Variants in ANXA11 observed in about 807,000 individuals in gnomAD.
ANXA11 encodes 56 kDa autoantigen.
A neutral mutation model predicts 64.7 loss-of-function variants in ANXA11; 57 were observed. That is an observed-to-expected ratio of 0.88 (90% CI 0.71 to 1.10). The LOEUF is 1.10. Among genes scored for constraint, ANXA11 ranks in the 50% least tolerant of loss-of-function variants. The pLI is 0.00. For missense variants in ANXA11, 675 were observed against 670.7 expected (o/e 1.01, Z -0.07); for synonymous variants, 260 against 265.2 (o/e 0.98, Z 0.19).
chr10:80,173,092 C>T, intron 2 of ANXA11: 1 of 521,916 alleles, frequency 1.9e-6, no homozygotes, highest in Non-Finnish European at 3.4e-6. Flanking sequence ...GCCAGGGCCA[C>T]ACCCCCGGCC....
At chr10:80,187,918 C>A (rs910282008) in intron 1 of ANXA11, among the ~76,000 whole-genome samples, 1 of 152,126 alleles carries the variant, frequency 6.6e-6, no homozygotes, top group African/African-American at 2.4e-5. Flanking sequence ...ATGTGCCACA[C>A]CCCAAGTCCT....
intron 1 of ANXA11, among the ~76,000 whole-genome samples, chr10:80,185,190 A>G (rs576138661): frequency 3.9e-4 from 59 of 152,304 alleles, no homozygotes; most frequent in Admixed American, 9.8e-4. Context: ...CATTTTCACT[A>G]TAAGTCTGTT....
chr10:80,194,695 C>T (rs1487354796), intron 1 of ANXA11, among the ~76,000 whole-genome samples: 1 of 152,194 alleles, frequency 6.6e-6, no homozygotes, highest in Non-Finnish European at 1.5e-5. Flanking sequence ...GGTTTGCATG[C>T]TGCCTCCCAG....
intron 8 of ANXA11, 27 bp downstream of exon 8, chr10:80,166,057 C>G: frequency 7.7e-7 from 1 of 1,301,338 alleles, no homozygotes; most frequent in Non-Finnish European, 1.1e-6. Flanking sequence ...CACACACACA[C>G]ACACACACAC....
At chr10:80,197,615 G>A (rs1223952863) in intron 1 of ANXA11, among the ~76,000 whole-genome samples, 2 of 152,098 alleles carry the variant, frequency 1.3e-5, no homozygotes, top group Admixed American at 1.3e-4. Flanking sequence ...GAAGTTGGGA[G>A]GAGGTAGCAC....
chr10:80,167,605 G>A (rs777991812), intron 5 of ANXA11, among the ~76,000 whole-genome samples: 5 of 152,160 alleles, frequency 3.3e-5, no homozygotes, highest in Admixed American at 6.5e-5. Context: ...CCAGGGCTGG[G>A]GCTCAGGCTC....
At chr10:80,156,114 G>A (rs116915903) in intron 15 of ANXA11, among the ~76,000 whole-genome samples, 1,659 of 152,258 alleles carry the variant, frequency 0.011, 10 homozygotes, top group Non-Finnish European at 0.016. Flanking sequence ...TCAGAAGACG[G>A]AAAGCAGCAC....
rs1845397192 is a variant in ANXA11 at position 80,159,009 on chromosome 10, T to C, written c.1276+91A>G. On this transcript the variant is annotated intron_variant, in intron 13 of 15. Transcript: ENST00000422982. ...TGGATCCTGTGGTCCCTTCACGGTG[T>C]CACCCATCAGCTGGAGGACAGGCGA... is the stretch of plus-strand genomic sequence containing the variant. The C allele has an allele frequency of 1.3e-5, 12 of 931,252 alleles. No homozygotes were observed. In the Admixed American group the frequency reaches 1.9e-4, roughly 15 times the overall value. 57.7% of individuals were successfully genotyped at this position (931,252 alleles called of 1,614,324 possible). A position where few individuals can be genotyped will look rare whatever the true frequency, so the allele number is the denominator to read the frequency against.
chr10:80,186,857 A>G (rs1284423998), intron 1 of ANXA11, among the ~76,000 whole-genome samples: 1 of 152,254 alleles, frequency 6.6e-6, no homozygotes, highest in African/African-American at 2.4e-5. Context: ...CCTGGAAGCC[A>G]GGCCACTCCT....
Position 80,166,896 on chromosome 10 carries a change from G to T in ANXA11, c.738C>A (p.Tyr246Ter). 6.2e-7 allele frequency: 1 copy of T among 1,605,020 alleles called. No homozygotes were observed. Residue 246 changes from tyrosine to a stop codon, truncating the protein, a stop_gained, in exon 7 of 16, where the codon TAC becomes TAA. Coordinates refer to ENST00000422982, the MANE Select transcript of ANXA11 (RefSeq NM_145868.2). LOFTEE classifies it high-confidence loss of function. ...QQILLSFKTAYGKDLIKDLKS... is the reference protein window; with the variant it reads ...QQILLSFKTA ...CCCCCACCCCGCAGCTCGCCTTGCC[G>T]TAAGCCGTCTTGAAGGAAAGTAGGA...
chr10:80,157,094 G>A (rs183367298), intron 15 of ANXA11: 1 of 976,834 alleles, frequency 1.0e-6, no homozygotes. Flanking sequence ...AACATTCCCA[G>A]GAAGGAACGA....
intron 2 of ANXA11, 106 bp from the exon 3 acceptor site, chr10:80,172,975 C>T: frequency 1.1e-6 from 1 of 924,854 alleles, no homozygotes; most frequent in Non-Finnish European, 1.7e-6. Flanking sequence ...TGGGACCCTG[C>T]AGAAGAAACT....
Position 80,151,262 on chromosome 10 carries a change from G to C in ANXA11, c.*4591C>G, listed in dbSNP as rs1179042436. 2 of 152,142 alleles carry C rather than the reference G, an allele frequency of 1.3e-5. No individual in the cohort carries two copies. Among genetic ancestry groups the C allele is most frequent in the Non-Finnish European group, 2.9e-5 (2 of 68,050 alleles). 9.4% of individuals were successfully genotyped at this position (152,142 alleles called of 1,614,324 possible). ...AGGCTCAAGCTAAACACCAATATTAGGCCAAGGGGCAGCTTTCCAAGGAGT... is the reference window on the plus strand; with the variant it reads ...AGGCTCAAGCTAAACACCAATATTACGCCAAGGGGCAGCTTTCCAAGGAGT... On this transcript the variant is annotated 3_prime_UTR_variant, in exon 16 of 16. Transcript: ENST00000422982.
chr10:80,189,508 T>C (rs1846679755), intron 1 of ANXA11, among the ~76,000 whole-genome samples: 1 of 152,194 alleles, frequency 6.6e-6, no homozygotes, highest in African/African-American at 2.4e-5. Context: ...TACCATACGA[T>C]CCAGCAATCT....
intron 1 of ANXA11, among the ~76,000 whole-genome samples, chr10:80,193,804 T>G (rs1169967890): frequency 2.3e-4 from 28 of 122,228 alleles, no homozygotes; most frequent in Non-Finnish European, 4.5e-4. Context: ...AGAGGGAGAC[T>G]CTGTCTCAAA....
intron 12 of ANXA11, among the ~76,000 whole-genome samples, chr10:80,159,691 G>C (rs757405286): frequency 6.6e-6 from 1 of 152,198 alleles, no homozygotes; most frequent in Non-Finnish European, 1.5e-5. Context: ...GCTCAAGGAA[G>C]TCAGAGTCTT....
chr10:80,166,945 C>A lies in ANXA11; in HGVS notation c.689G>T (p.Arg230Leu). The A allele has an allele frequency of 6.2e-7, 1 of 1,609,144 alleles. No homozygotes were observed. Among genetic ancestry groups the A allele is most frequent in the Non-Finnish European group, 8.5e-7 (1 of 1,178,318 alleles). The change falls in exon 7 of 16, where the codon CGC becomes CTC. Residue 230 changes from arginine to leucine, a missense_variant. Arg to Leu is a moderately radical substitution (Grantham distance 102). Coordinates refer to ENST00000422982, the MANE Select transcript of ANXA11 (RefSeq NM_145868.2). ...EQAIIDCLGS[R>L]SNKQRQQILL... ...GATCTGCTGCCGCTGCTTGTTGGAG[C>A]GACTCCCCAGGCAGTCAATGATGGC...
rs1845195870 is a variant in ANXA11 at position 80,153,681 on chromosome 10, G to A, written c.*2172C>T. On this transcript the variant is annotated 3_prime_UTR_variant, in exon 16 of 16. Coordinates refer to ENST00000422982, the MANE Select transcript of ANXA11 (RefSeq NM_145868.2). Reference sequence around the variant, plus strand: ...AGAGGAGTTCTTGGGAGAGCAGCAGGGATGGGGCTTCAGCTTGGGCTTGAG... The same window carrying A: ...AGAGGAGTTCTTGGGAGAGCAGCAGAGATGGGGCTTCAGCTTGGGCTTGAG... The A allele has an allele frequency of 6.6e-6, 1 of 152,366 alleles. No individual in the cohort carries two copies. The highest frequency in any genetic ancestry group is 6.5e-5 in the Admixed American group (1 of 15,292). The allele number at this position is 152,366 out of a possible 1,614,324, so 9.4% of individuals were successfully genotyped here.
chr10:80,184,123 G>C (rs1407032310), intron 1 of ANXA11, among the ~76,000 whole-genome samples: 2 of 152,136 alleles, frequency 1.3e-5, no homozygotes, highest in East Asian at 3.8e-4. Flanking sequence ...GGCCCATCTT[G>C]ATTCATCCCG....
Sources: gnomAD v4.1 joint callset for allele counts (sites outside exome capture counted in the v4.1 genomes callset) on GRCh38, gnomAD v4.1.1 for gene constraint, MANE v1.5 for transcripts, NCBI Gene and HGNC (gene_info 2026-07-23, HGNC 2026-07-21) for gene names.